NCAM2: variants seen among roughly 807,000 people sequenced by gnomAD.
NCAM2 encodes the protein N-CAM-2.
In NCAM2, 30 loss-of-function variants were observed where a neutral mutation model predicts 98.1. That is an observed-to-expected ratio of 0.31 (90% confidence interval 0.23 to 0.41). The LOEUF is 0.41. Ranked by LOEUF, NCAM2 falls within the 10% of genes least tolerant of loss-of-function variation. The pLI is 1.00. For synonymous variants in NCAM2, 368 were observed against 342.4 expected, an observed-to-expected ratio of 1.07 and a Z score of -0.83; for missense variants, 867 against 1,005.8, an observed-to-expected ratio of 0.86 and a Z score of 1.87.
At chr21:21,414,147 TATC>T (rs2076940194) in intron 10 of NCAM2, among the ~76,000 whole-genome samples, 1 of 152,206 alleles carries the variant, frequency 6.6e-6, no homozygotes, top group Non-Finnish European at 1.5e-5. Context: ...GTTAGAGTTT[TATC>T]ATCAGATTGC....
intron 11 of NCAM2, among the ~76,000 whole-genome samples, chr21:21,429,491 A>G (rs966239807): frequency 1.3e-5 from 2 of 152,162 alleles, no homozygotes; most frequent in Non-Finnish European, 2.9e-5. Flanking sequence ...CCTAATGTAC[A>G]TTAGGGAGTC....
At chr21:21,491,517 G>T (rs2146308748) in intron 15 of NCAM2, among the ~76,000 whole-genome samples, 1 of 151,580 alleles carries the variant, frequency 6.6e-6, no homozygotes, top group Non-Finnish European at 1.5e-5. Context: ...TGAAATTTTG[G>T]AATAATACTA....
At chr21:21,423,448 G>A (rs1012977386) in intron 11 of NCAM2, among the ~76,000 whole-genome samples, 3 of 152,156 alleles carry the variant, frequency 2.0e-5, no homozygotes, top group Admixed American at 1.3e-4. Flanking sequence ...ATAGAAGTCA[G>A]TACCTTGATA....
At chr21:21,107,565 G>A (rs1408872982) in intron 1 of NCAM2, among the ~76,000 whole-genome samples, 1 of 151,696 alleles carries the variant, frequency 6.6e-6, no homozygotes, top group Non-Finnish European at 1.5e-5. Flanking sequence ...CTTAATTTTT[G>A]ATTTAAATAT....
intron 15 of NCAM2, among the ~76,000 whole-genome samples, chr21:21,492,627 A>G (rs1379846672): frequency 6.6e-6 from 1 of 151,820 alleles, no homozygotes; most frequent in African/African-American, 2.4e-5. Flanking sequence ...ATTTTTAATT[A>G]ATATATTTTT....
chr21:21,379,245 T>C (rs966128821), intron 9 of NCAM2, among the ~76,000 whole-genome samples: 3 of 152,118 alleles, frequency 2.0e-5, no homozygotes, highest in African/African-American at 7.2e-5. Context: ...TTCTATAATA[T>C]GTCTGTTTTC....
intron 1 of NCAM2, among the ~76,000 whole-genome samples, chr21:21,267,801 T>C (rs1204264724): frequency 6.6e-6 from 1 of 152,196 alleles, no homozygotes; most frequent in Non-Finnish European, 1.5e-5. Context: ...TTCTTGTAAA[T>C]ATAATGGAGC....
intron 11 of NCAM2, among the ~76,000 whole-genome samples, chr21:21,431,092 GGGA>G (rs2077331079): frequency 7.4e-6 from 1 of 135,196 alleles, no homozygotes; most frequent in Admixed American, 7.5e-5. Context: ...GATTTGTGTG[GGGA>G]CACAGAGCCA....
chr21:21,143,804 G>GTTT lies in NCAM2; in HGVS notation c.56-136760_56-136758dup, dbSNP rs201614786. ...TTTTTGCTCATTTTTTTTTTAGGAA[G>GTTT]TTTTTTTTTTTTTTTTCCAGCAGTT... On this transcript the variant is annotated intron_variant, in intron 1 of 17. Coordinates refer to ENST00000400546, the MANE Select transcript of NCAM2 (RefSeq NM_004540.5). Among the ~76,000 whole-genome samples, 371 of 123,422 alleles carry GTTT rather than the reference G, an allele frequency of 3.0e-3. 8 individuals are homozygous for GTTT. The highest frequency in any genetic ancestry group is 6.9e-3 in the South Asian group (25 of 3,606). The allele number at this position is 123,422 out of a possible 152,430, so 81.0% of individuals were successfully genotyped here.
At chr21:21,416,494 GAA>G (rs548650184) in intron 10 of NCAM2, among the ~76,000 whole-genome samples, 2 of 132,794 alleles carry the variant, frequency 1.5e-5, no homozygotes, top group African/African-American at 2.8e-5. Flanking sequence ...TTCAATTTGT[GAA>G]AAAAAAAAAG....
intron 9 of NCAM2, among the ~76,000 whole-genome samples, chr21:21,399,909 A>C (rs1487334614): frequency 6.6e-6 from 1 of 152,214 alleles, no homozygotes; most frequent in Admixed American, 6.5e-5. Flanking sequence ...GAAAGTAGAA[A>C]GCTTGCATTA....
rs200392159 is a variant in NCAM2 at position 21,284,098 on chromosome 21, C to G, written c.131-96C>G. 1.4e-4 allele frequency: 117 copies of G among 839,080 alleles called. No homozygotes were observed. The African/African-American group carries it at 1.9e-3, about 14-fold the overall frequency. The allele number at this position is 839,080 out of a possible 1,614,324, so 52.0% of individuals were successfully genotyped here. A position where few individuals can be genotyped will look rare whatever the true frequency, so the allele number is the denominator to read the frequency against. On this transcript the variant is annotated intron_variant, in intron 2 of 17. Transcript: ENST00000400546. ...TCCAGTCTGTTACATAATTTTTTTTCTAAATGGTTAATATTATTACATAAT... is the reference window on the plus strand; with the variant it reads ...TCCAGTCTGTTACATAATTTTTTTTGTAAATGGTTAATATTATTACATAAT...
chr21:21,103,814 G>A (rs1480358069), intron 1 of NCAM2, among the ~76,000 whole-genome samples: 2 of 152,210 alleles, frequency 1.3e-5, no homozygotes, highest in East Asian at 3.9e-4. Flanking sequence ...CCTAAAGTTA[G>A]TCATTTTGTT....
intron 1 of NCAM2, among the ~76,000 whole-genome samples, chr21:21,005,844 G>A (rs957259828): frequency 1.3e-5 from 2 of 150,994 alleles, no homozygotes; most frequent in Admixed American, 1.3e-4. Context: ...CATGAAAAAA[G>A]ATTTTTGGTA....
chr21:21,033,926 G>T (rs917359370), intron 1 of NCAM2, among the ~76,000 whole-genome samples: 5 of 151,700 alleles, frequency 3.3e-5, no homozygotes, highest in Non-Finnish European at 4.4e-5. Context: ...ATATATTTTG[G>T]TTTTTTTGTT....
Position 21,279,653 on chromosome 21 carries a change from G to A in NCAM2, c.56-925G>A, listed in dbSNP as rs909297008. Among the ~76,000 whole-genome samples, 5 of 152,274 alleles carry A rather than the reference G, an allele frequency of 3.3e-5. No homozygotes were observed. In the East Asian group the frequency reaches 9.7e-4, roughly 29 times the overall value. On this transcript the variant is annotated intron_variant, in intron 1 of 17. Transcript: ENST00000400546. ...ATTACAGGCGTGGTCGTTATCTGGT[G>A]TTCTATCACAGCCTGTTGTTCTGGG...
intron 15 of NCAM2, among the ~76,000 whole-genome samples, chr21:21,491,425 G>A (rs1477279562): frequency 1.3e-5 from 2 of 151,406 alleles, no homozygotes; most frequent in African/African-American, 4.8e-5. Context: ...TTTTGTTTTG[G>A]GCACCAAATG....
At chr21:21,376,397 G>C (rs1429778285) in intron 9 of NCAM2, among the ~76,000 whole-genome samples, 1 of 151,786 alleles carries the variant, frequency 6.6e-6, no homozygotes, top group Non-Finnish European at 1.5e-5. Context: ...TGGACACAAA[G>C]ATGAATAAAA....
At chr21:21,457,829 G>T (rs767776488) in intron 12 of NCAM2, among the ~76,000 whole-genome samples, 6 of 152,144 alleles carry the variant, frequency 3.9e-5, no homozygotes, top group Non-Finnish European at 8.8e-5. Context: ...ATGATTTAAA[G>T]ATAGAATTAT....
Sources: allele counts gnomAD v4.1 joint callset (sites outside exome capture counted in the v4.1 genomes callset), GRCh38; gene constraint gnomAD v4.1.1; transcripts MANE v1.5; gene names NCBI Gene and HGNC (gene_info 2026-07-23, HGNC 2026-07-21).